The following LSG1 variants were observed in gnomAD, a reference collection of about 807,000 sequenced individuals.
LSG1 encodes large subunit GTPase 1 homolog.
A neutral mutation model predicts 82.6 loss-of-function variants in LSG1; 55 were observed. That is an observed-to-expected ratio of 0.67 (90% confidence interval 0.54 to 0.83). The LOEUF is 0.83. LSG1 is among the 40% of genes least tolerant of loss of function. LSG1 has a pLI of 0.00. For missense variants in LSG1, 809 were observed against 807.9 expected (o/e 1.00, Z -0.02); for synonymous variants, 272 against 282.5 (o/e 0.96, Z 0.37).
Position 194,650,895 on chromosome 3 carries a change from G to T in LSG1, c.1405C>A (p.Pro469Thr), listed in dbSNP as rs1193629685. The T allele has an allele frequency of 1.2e-6, 2 of 1,613,662 alleles. No individual in the cohort carries two copies. Among genetic ancestry groups the T allele is most frequent in the Non-Finnish European group, 1.7e-6 (2 of 1,179,830 alleles). The change falls in exon 10 of 14, where the codon CCT (proline) becomes ACT (threonine). Residue 469 changes from proline to threonine, a missense_variant. Physicochemically the swap from Pro to Thr is conservative, Grantham distance 38. Coordinates refer to ENST00000265245, the MANE Select transcript of LSG1 (RefSeq NM_018385.3). ...LPIDQMRDHV[P>T]PVSLVCQNIP... ...AGAAAGGATATTAGTGATACAGGAGGAACATGATCTCTCATCTGATCAATT... is the reference window on the plus strand; with the variant it reads ...AGAAAGGATATTAGTGATACAGGAGTAACATGATCTCTCATCTGATCAATT...
Position 194,642,213 on chromosome 3 carries a change from G to A in LSG1, c.1832C>T (p.Ala611Val), listed in dbSNP as rs1251148314. 6.2e-7 allele frequency: 1 copy of A among 1,614,030 alleles called. No homozygotes were observed. The highest frequency in any genetic ancestry group is 1.7e-5 in the Admixed American group (1 of 59,986). The change falls in exon 14 of 14, where the codon GCT becomes GTT. Residue 611 changes from alanine (A) to valine (V), a missense_variant. Ala to Val is a moderately conservative substitution (Grantham distance 64). Coordinates refer to ENST00000265245, the MANE Select transcript of LSG1 (RefSeq NM_018385.3). ...ACTCCCGGGCTTGTAACCCATCACA[G>A]CCTGGACTCCTTTGGTCAAAGCCCT... ...NVRALTKGVQAVMGYKPGSGV... is the reference protein window; with the variant it reads ...NVRALTKGVQVVMGYKPGSGV...
chr3:194,644,783 A>G (rs767191229), intron 12 of LSG1, 37 bp from the exon 13 acceptor site: 1 of 1,549,172 alleles, frequency 6.5e-7, no homozygotes, highest in Non-Finnish European at 8.8e-7. Context: ...GTGCAGCCTA[A>G]GTGCCATCTG....
intron 2 of LSG1, among the ~76,000 whole-genome samples, chr3:194,667,923 C>CGAAAAAAAAAAAAAAA (rs1719061948): frequency 7.8e-5 from 1 of 12,838 alleles, no homozygotes; most frequent in Non-Finnish European, 1.3e-4. Context: ...GACTCCGTCT[C>CGAAAAAAAAAAAAAAA]AAAAAAAAAA....
intron 7 of LSG1, among the ~76,000 whole-genome samples, chr3:194,657,078 A>G (rs913402711): frequency 6.6e-6 from 1 of 152,120 alleles, no homozygotes; most frequent in African/African-American, 2.4e-5. Flanking sequence ...CAGCACACCA[A>G]CATGGCACAT....
Position 194,665,541 on chromosome 3 carries a change from G to T in LSG1, c.521+16C>A, listed in dbSNP as rs1340524710. ...ACTACAATGTCTTTATTACACAAAA[G>T]AAAATGATAATTCACCTTCTCTCAA... On this transcript the variant is annotated intron_variant, in intron 5 of 13. Coordinates refer to ENST00000265245, the MANE Select transcript of LSG1 (RefSeq NM_018385.3). The T allele has an allele frequency of 6.3e-7, 1 of 1,594,432 alleles. No individual in the cohort carries two copies. The highest frequency in any genetic ancestry group is 8.6e-7 in the Non-Finnish European group (1 of 1,167,936).
intron 6 of LSG1, 31 bp downstream of exon 6, chr3:194,660,042 T>C: frequency 6.3e-7 from 1 of 1,586,038 alleles, no homozygotes; most frequent in Non-Finnish European, 8.7e-7. Context: ...CTCAAAGGAC[T>C]GATGTTTGAA....
intron 7 of LSG1, among the ~76,000 whole-genome samples, chr3:194,656,302 C>T (rs954585351): frequency 1.1e-5 from 1 of 88,504 alleles, no homozygotes; most frequent in African/African-American, 3.0e-5. Flanking sequence ...AACAAATTTA[C>T]AAGAAAAAAA....
In LSG1 at chr3:194,644,725, G is replaced by T. The variant is rs1422541221; in HGVS notation, c.1645C>A (p.Pro549Thr). 1 of 1,607,012 alleles carries T rather than the reference G, an allele frequency of 6.2e-7. No homozygotes were observed. Among genetic ancestry groups the T allele is most frequent in the Non-Finnish European group, 8.5e-7 (1 of 1,176,114 alleles). ...GTTACAGGATCTCTTCCAGGAGGAG[G>T]ATGGCAGTACAGCAGCTTACCCTAC... ...YVSGKLLYCH[P>T]PPGRDPVTFQ... is the part of the protein sequence containing the mutation. The change falls in exon 13 of 14, where the codon CCT becomes ACT. Residue 549 changes from proline (P) to threonine (T), a missense_variant. By Grantham distance (38) the Pro-to-Thr change is conservative. Transcript: ENST00000265245.
chr3:194,648,621 T>G (rs1280110027), intron 11 of LSG1, 60 bp downstream of exon 11: 1 of 1,533,970 alleles, frequency 6.5e-7, no homozygotes, highest in Admixed American at 1.8e-5. Flanking sequence ...ACTATTCTTA[T>G]TTCTATTCAT....
rs1718399884 is a variant in LSG1, at chr3:194,641,923, T to C, written c.*145A>G. Reference sequence around the variant, plus strand: ...TTCCAGGAGGCCCTTGGTCTTGACATGGAGACTGTTGGGTGCAGCCGTGCT... The same window carrying C: ...TTCCAGGAGGCCCTTGGTCTTGACACGGAGACTGTTGGGTGCAGCCGTGCT... On this transcript the variant is annotated 3_prime_UTR_variant, in exon 14 of 14. Coordinates refer to ENST00000265245, the MANE Select transcript of LSG1 (RefSeq NM_018385.3). 3 of 801,770 alleles carry C rather than the reference T, an allele frequency of 3.7e-6. No individual in the cohort carries two copies. The highest frequency in any genetic ancestry group is 5.8e-6 in the Non-Finnish European group (3 of 517,852). 49.7% of individuals were successfully genotyped at this position (801,770 alleles called of 1,614,324 possible).
Position 194,641,800 on chromosome 3 carries a change from G to A in LSG1, c.*268C>T, listed in dbSNP as rs552585973. ...GGCTAATTTTTTTGTATTTTTAGTA[G>A]AGACGGGGTTTCTCCATGTTGGTGC... On this transcript the variant is annotated 3_prime_UTR_variant, in exon 14 of 14. Coordinates refer to ENST00000265245, the MANE Select transcript of LSG1 (RefSeq NM_018385.3). The A allele has an allele frequency of 1.9e-4, 56 of 294,468 alleles. No individual in the cohort carries two copies. Among genetic ancestry groups the A allele is most frequent in the Non-Finnish European group, 2.9e-4 (46 of 160,560 alleles). The allele number at this position is 294,468 out of a possible 1,614,324, so 18.2% of individuals were successfully genotyped here.
chr3:194,641,941 G>T lies in LSG1; in HGVS notation c.*127C>A. The T allele has an allele frequency of 1.0e-6, 1 of 1,002,680 alleles. No individual in the cohort carries two copies. Among genetic ancestry groups the T allele is most frequent in the Non-Finnish European group, 1.5e-6 (1 of 677,024 alleles). The allele number at this position is 1,002,680 out of a possible 1,614,324, so 62.1% of individuals were successfully genotyped here. ...CTTGACATGGAGACTGTTGGGTGCAGCCGTGCTCTGCAAGAGCAGGGCCCG... is the reference window on the plus strand; with the variant it reads ...CTTGACATGGAGACTGTTGGGTGCATCCGTGCTCTGCAAGAGCAGGGCCCG... On this transcript the variant is annotated 3_prime_UTR_variant, in exon 14 of 14. Coordinates refer to ENST00000265245, the MANE Select transcript of LSG1 (RefSeq NM_018385.3).
chr3:194,664,387 C>T (rs75675850), intron 5 of LSG1, among the ~76,000 whole-genome samples: 3,518 of 152,218 alleles, frequency 0.023, 49 homozygotes, highest in Non-Finnish European at 0.026. Context: ...CTGAAGGGTC[C>T]TTGTTGAAAA....
intron 5 of LSG1, among the ~76,000 whole-genome samples, chr3:194,665,035 C>G (rs1449981010): frequency 6.6e-6 from 1 of 152,250 alleles, no homozygotes; most frequent in Non-Finnish European, 1.5e-5. Flanking sequence ...GCCTTTCTAT[C>G]TGCAGCAAAG....
chr3:194,658,684 C>T (rs992449821), intron 7 of LSG1, among the ~76,000 whole-genome samples: 3 of 152,030 alleles, frequency 2.0e-5, no homozygotes, highest in African/African-American at 7.3e-5. Context: ...GTGGAACTTC[C>T]TATACAATTT....
At chr3:194,665,491 C>G in intron 5 of LSG1, 66 bp downstream of exon 5, 1 of 1,208,516 alleles carries the variant, frequency 8.3e-7, no homozygotes, top group Non-Finnish European at 1.2e-6. Context: ...AAGCCTATAT[C>G]AACAGCCAAA....
intron 13 of LSG1, among the ~76,000 whole-genome samples, chr3:194,643,809 A>T (rs375518459): frequency 6.6e-6 from 1 of 152,256 alleles, no homozygotes; most frequent in African/African-American, 2.4e-5. Flanking sequence ...CGTCCCTCAA[A>T]TGATAAATAG....
chr3:194,667,942 A>AATATATATATATATATAT (rs763693435), intron 2 of LSG1, among the ~76,000 whole-genome samples: 1 of 86,966 alleles, frequency 1.1e-5, no homozygotes, highest in African/African-American at 4.8e-5. Flanking sequence ...AAAAAAAAAA[A>AATATATATATATATATAT]ATATATATAT....
intron 7 of LSG1, among the ~76,000 whole-genome samples, chr3:194,653,557 C>T (rs902714215): frequency 5.9e-5 from 9 of 151,532 alleles, no homozygotes; most frequent in Admixed American, 5.3e-4. Context: ...CAAAGTTCGA[C>T]GGAGATGGAA....
Sources: allele counts gnomAD v4.1 joint callset (sites outside exome capture counted in the v4.1 genomes callset), GRCh38; gene constraint gnomAD v4.1.1; transcripts MANE v1.5; gene names NCBI Gene and HGNC (gene_info 2026-07-23, HGNC 2026-07-21).